Variants in CSMD3 observed in about 807,000 individuals in gnomAD.
CSMD3 encodes the protein CUB and Sushi multiple domains 3.
A neutral mutation model predicts 435.2 loss-of-function variants in CSMD3; 177 were observed. The observed-to-expected ratio is 0.41, with a 90% CI of 0.36 to 0.46. The LOEUF (loss-of-function observed/expected upper bound fraction) is 0.46, where lower values mean the gene tolerates loss of function less well. CSMD3 is among the 20% of genes least tolerant of loss of function. The pLI, the probability that CSMD3 is intolerant of heterozygous loss-of-function variation, is 0.34. For missense variants in CSMD3, 4,265 were observed against 4,504.6 expected, an observed-to-expected ratio of 0.95 and a Z score of 1.52; for synonymous variants, 1,656 against 1,520.5, an observed-to-expected ratio of 1.09 and a Z score of -2.07.
intron 11 of CSMD3, among the ~76,000 whole-genome samples, chr8:112,853,272 C>G (rs774848068): frequency 1.4e-4 from 22 of 152,044 alleles, no homozygotes; most frequent in Non-Finnish European, 2.2e-4. Flanking sequence ...GTTGCCCAGG[C>G]TGGAGTGCAG....
intron 5 of CSMD3, among the ~76,000 whole-genome samples, chr8:113,066,461 T>G (rs543240872): frequency 6.6e-5 from 10 of 152,186 alleles, no homozygotes; most frequent in Admixed American, 3.3e-4. Flanking sequence ...GATGAATAAT[T>G]CTAAAGATTT....
At chr8:112,555,931 T>C (rs2131219293) in intron 25 of CSMD3, among the ~76,000 whole-genome samples, 1 of 152,064 alleles carries the variant, frequency 6.6e-6, no homozygotes, top group South Asian at 2.1e-4. Context: ...ATTTTATCCA[T>C]ATAGGCCTGA....
At chr8:112,368,285 C>A (rs10089967) in intron 38 of CSMD3, among the ~76,000 whole-genome samples, 4,884 of 152,240 alleles carry the variant, frequency 0.032, 101 homozygotes, top group Non-Finnish European at 0.043. Context: ...CTAAATTATA[C>A]AAGATATTTT....
chr8:112,400,044 C>T (rs1229992017), intron 35 of CSMD3, among the ~76,000 whole-genome samples: 3 of 152,144 alleles, frequency 2.0e-5, no homozygotes, highest in Non-Finnish European at 1.5e-5. Flanking sequence ...GCTGCTGCCA[C>T]GTATTTAGGT....
chr8:112,605,329 C>T (rs568558125), intron 22 of CSMD3, among the ~76,000 whole-genome samples: 8 of 152,234 alleles, frequency 5.3e-5, no homozygotes, highest in Admixed American at 3.3e-4. Context: ...CACATGCATA[C>T]ATATGTTCAT....
At chr8:113,121,050 G>T (rs2090971055) in intron 4 of CSMD3, among the ~76,000 whole-genome samples, 1 of 152,018 alleles carries the variant, frequency 6.6e-6, no homozygotes, top group Non-Finnish European at 1.5e-5. Context: ...ATGTCCGTGG[G>T]CTCTTTTATA....
At chr8:113,084,442 A>G (rs1432414145) in intron 5 of CSMD3, among the ~76,000 whole-genome samples, 1 of 152,060 alleles carries the variant, frequency 6.6e-6, no homozygotes, top group Non-Finnish European at 1.5e-5. Context: ...ATTGATAAAG[A>G]AATTGAAGAT....
intron 22 of CSMD3, among the ~76,000 whole-genome samples, chr8:112,587,533 T>C (rs1447163761): frequency 2.0e-5 from 3 of 151,880 alleles, no homozygotes; most frequent in Non-Finnish European, 2.9e-5. Flanking sequence ...AACTTAAGAA[T>C]GTATTTTACA....
chr8:113,419,827 T>G (rs1206161611), intron 1 of CSMD3, among the ~76,000 whole-genome samples: 1 of 152,148 alleles, frequency 6.6e-6, no homozygotes, highest in African/African-American at 2.4e-5. Flanking sequence ...TTTGATGGCA[T>G]GTAGAGATCA....
At chr8:112,489,939 G>A (rs1820523898) in intron 31 of CSMD3, among the ~76,000 whole-genome samples, 1 of 151,998 alleles carries the variant, frequency 6.6e-6, no homozygotes, top group African/African-American at 2.4e-5. Flanking sequence ...CTCAACACCT[G>A]TTTTTCAGGA....
intron 32 of CSMD3, among the ~76,000 whole-genome samples, chr8:112,436,219 G>A (rs1367126086): frequency 6.6e-6 from 1 of 151,730 alleles, no homozygotes; most frequent in South Asian, 2.1e-4. Flanking sequence ...CCTATCTTGA[G>A]AAACTGATCT....
intron 1 of CSMD3, among the ~76,000 whole-genome samples, chr8:113,412,290 A>G (rs2094563221): frequency 6.6e-6 from 1 of 152,114 alleles, no homozygotes; most frequent in African/African-American, 2.4e-5. Flanking sequence ...TATAAATAAG[A>G]TGGGATCATT....
chr8:112,482,414 A>T (rs2130803404), intron 31 of CSMD3, among the ~76,000 whole-genome samples: 1 of 152,342 alleles, frequency 6.6e-6, no homozygotes, highest in South Asian at 2.1e-4. Flanking sequence ...CACTGTTTTA[A>T]AGTGTACAAT....
At chr8:113,149,355 ATTAT>A (rs2091753491) in intron 4 of CSMD3, among the ~76,000 whole-genome samples, 1 of 151,704 alleles carries the variant, frequency 6.6e-6, no homozygotes, top group Admixed American at 6.6e-5. Context: ...GTCTTCCCTC[ATTAT>A]TTTTTTACTT....
At chr8:113,248,530 G>A (rs1258456550) in intron 3 of CSMD3, among the ~76,000 whole-genome samples, 1 of 117,214 alleles carries the variant, frequency 8.5e-6, no homozygotes, top group Non-Finnish European at 1.7e-5. Context: ...ATATATATAT[G>A]TATATACATA....
In CSMD3 at chr8:112,304,921, C is replaced by A; in HGVS notation, c.8072-6G>T. On this transcript the variant is annotated splice_region_variant and splice_polypyrimidine_tract_variant and intron_variant, in intron 51 of 70. Transcript: ENST00000297405. ...GATGCTTGGACATGTAACAACTATA[C>A]AAAAACCAAAGGGTGTAATTGCTAA... is the stretch of plus-strand genomic sequence containing the variant. 1 of 1,610,310 alleles carries A rather than the reference C, an allele frequency of 6.2e-7. No individual in the cohort carries two copies.
intron 3 of CSMD3, among the ~76,000 whole-genome samples, chr8:113,252,181 C>T (rs183517030): frequency 4.1e-4 from 62 of 152,106 alleles, no homozygotes; most frequent in African/African-American, 1.4e-3. Context: ...GTGATCTTCC[C>T]TTCTCTCTCT....
chr8:113,026,356 G>A (rs145817535), intron 5 of CSMD3, among the ~76,000 whole-genome samples: 149 of 152,220 alleles, frequency 9.8e-4, no homozygotes, highest in African/African-American at 3.4e-3. Context: ...CCACTTCCTT[G>A]TGGTGAAGTA....
At chr8:112,558,034 C>T (rs1828281373) in intron 24 of CSMD3, among the ~76,000 whole-genome samples, 1 of 151,738 alleles carries the variant, frequency 6.6e-6, no homozygotes, top group Non-Finnish European at 1.5e-5. Context: ...GACATCAAGT[C>T]GGTTTCAAGT....
Sources: allele counts gnomAD v4.1 joint callset (sites outside exome capture counted in the v4.1 genomes callset), GRCh38; gene constraint gnomAD v4.1.1; transcripts MANE v1.5; gene names NCBI Gene and HGNC (gene_info 2026-07-23, HGNC 2026-07-21).